Variants in DCLK1 observed in about 807,000 individuals in gnomAD.
DCLK1 encodes doublecortin like kinase 1, also known as serine/threonine-protein kinase DCLK1.
In DCLK1, 16 loss-of-function variants were observed where a neutral mutation model predicts 86.2. The ratio of observed to expected loss-of-function variants is 0.19; its 90% CI spans 0.13 to 0.28. DCLK1 has a LOEUF of 0.28. Ranked by LOEUF, DCLK1 falls within the 10% of genes least tolerant of loss-of-function variation. DCLK1 has a pLI of 1.00. For missense variants in DCLK1, 590 were observed against 940.2 expected (o/e 0.63, Z 4.87); for synonymous variants, 369 against 370.5 (o/e 1.00, Z 0.05).
At position 35,930,058 on chromosome 13, in the gene DCLK1, T is replaced by G. The variant is rs377590961; in HGVS notation, c.823+17300A>C. The stretch of plus-strand genomic sequence containing the variant: ...ACATGTATCAAATTATTACCCAATT[T>G]TGAAGCTAGATTTTAAAATCACCTT... On this transcript the variant is annotated intron_variant, in intron 4 of 16. Transcript: ENST00000360631. Among the ~76,000 whole-genome samples the G allele has an allele frequency of 4.3e-4, 65 of 152,310 alleles. 1 individual carries two copies. In the South Asian group the frequency reaches 0.013, roughly 31 times the overall value.
chr13:35,835,366 G>A (rs1283952987), intron 8 of DCLK1, among the ~76,000 whole-genome samples: 1 of 151,962 alleles, frequency 6.6e-6, no homozygotes, highest in Admixed American at 6.6e-5. Context: ...CTCCCCTAAA[G>A]CAAGCAGCTG....
rs11294824 is a variant in DCLK1 at position 35,976,525 on chromosome 13, G to GTTTTTTTTTTTTTTTTTTTTTTTTTTTTT, written c.724-29069_724-29068insAAAAAAAAAAAAAAAAAAAAAAAAAAAAA. 9.2e-4 allele frequency among the ~76,000 whole-genome samples: 52 copies of GTTTTTTTTTTTTTTTTTTTTTTTTTTTTT among 56,372 alleles called. 8 individuals are homozygous for GTTTTTTTTTTTTTTTTTTTTTTTTTTTTT. Among genetic ancestry groups the GTTTTTTTTTTTTTTTTTTTTTTTTTTTTT allele is most frequent in the South Asian group, 2.5e-3 (3 of 1,184 alleles). The allele number at this position is 56,372 out of a possible 152,430, so 37.0% of individuals were successfully genotyped here. A position where few individuals can be genotyped will look rare whatever the true frequency, so the allele number is the denominator to read the frequency against. On this transcript the variant is annotated intron_variant, in intron 3 of 16. Coordinates refer to ENST00000360631, the MANE Select transcript of DCLK1 (RefSeq NM_001330071.2). ...CTCCCAGCACTTCAGCTTCTCCGAG[G>GTTTTTTTTTTTTTTTTTTTTTTTTTTTTT]TTTTTTTTTTTTTTTTTTTTTTTGA...
chr13:36,067,873 C>A (rs1883820800), intron 3 of DCLK1, among the ~76,000 whole-genome samples: 1 of 152,100 alleles, frequency 6.6e-6, no homozygotes, highest in South Asian at 2.1e-4. Context: ...GTCTGCTGCC[C>A]CCCACAGAAC....
chr13:35,928,168 G>T (rs1021913788), intron 4 of DCLK1, among the ~76,000 whole-genome samples: 1 of 152,228 alleles, frequency 6.6e-6, no homozygotes, highest in Non-Finnish European at 1.5e-5. Flanking sequence ...TTGGTCAGAA[G>T]TGTGGGTGGC....
In DCLK1 at chr13:36,044,362, G is replaced by A. The variant is rs144917461; in HGVS notation, c.723+67507C>T. 5.9e-3 allele frequency among the ~76,000 whole-genome samples: 897 copies of A among 152,290 alleles called. 10 individuals carry two copies. Among genetic ancestry groups the A allele is most frequent in the African/African-American group, 0.021 (865 of 41,562 alleles). On this transcript the variant is annotated intron_variant, in intron 3 of 16. Coordinates refer to ENST00000360631, the MANE Select transcript of DCLK1 (RefSeq NM_001330071.2). ...AACACACTCATGAAAATGGTAAAGGGAAGTCCAGTTTTTATTTTTTCTTAA... is the reference window on the plus strand; with the variant it reads ...AACACACTCATGAAAATGGTAAAGGAAAGTCCAGTTTTTATTTTTTCTTAA...
At chr13:35,815,910 G>A (rs1262648498) in intron 11 of DCLK1, among the ~76,000 whole-genome samples, 4 of 152,114 alleles carry the variant, frequency 2.6e-5, no homozygotes, top group South Asian at 2.1e-4. Flanking sequence ...TTAGAAAGGA[G>A]TAAGTCAGAA....
intron 4 of DCLK1, among the ~76,000 whole-genome samples, chr13:35,936,450 AG>A (rs1455081006): frequency 2.0e-5 from 3 of 152,236 alleles, no homozygotes; most frequent in Non-Finnish European, 4.4e-5. Flanking sequence ...ACTCACTTTG[AG>A]GACATAAAAG....
At chr13:36,124,050 G>A (rs1268508129) in intron 2 of DCLK1, among the ~76,000 whole-genome samples, 1 of 152,198 alleles carries the variant, frequency 6.6e-6, no homozygotes, top group African/African-American at 2.4e-5. Flanking sequence ...CTACACAAGT[G>A]ACTCTGGAAC....
chr13:35,956,656 T>A (rs1317591283), intron 3 of DCLK1, among the ~76,000 whole-genome samples: 1 of 152,306 alleles, frequency 6.6e-6, no homozygotes, highest in Admixed American at 6.5e-5. Flanking sequence ...GCAGGAGTCA[T>A]AAACACAGGA....
intron 3 of DCLK1, among the ~76,000 whole-genome samples, chr13:35,974,549 G>A (rs1271624099): frequency 6.6e-6 from 1 of 152,170 alleles, no homozygotes; most frequent in Admixed American, 6.5e-5. Context: ...TGCTGTTCTC[G>A]TGATAGTGAG....
chr13:35,917,879 C>T (rs147822391), intron 4 of DCLK1, among the ~76,000 whole-genome samples: 4 of 152,222 alleles, frequency 2.6e-5, no homozygotes, highest in African/African-American at 9.6e-5. Context: ...GCACAATTGG[C>T]CTGACACACA....
intron 8 of DCLK1, among the ~76,000 whole-genome samples, chr13:35,828,570 C>T (rs949761152): frequency 6.6e-6 from 1 of 152,212 alleles, no homozygotes; most frequent in Non-Finnish European, 1.5e-5. Flanking sequence ...AACACTAGCA[C>T]TGGCACTTTG....
chr13:35,887,454 G>C (rs554116277), intron 4 of DCLK1, among the ~76,000 whole-genome samples: 1 of 152,122 alleles, frequency 6.6e-6, no homozygotes, highest in Non-Finnish European at 1.5e-5. Flanking sequence ...TTCTGGCTGC[G>C]TGATCTGGTT....
At chr13:35,884,576 A>C (rs538174585) in intron 4 of DCLK1, among the ~76,000 whole-genome samples, 4 of 152,320 alleles carry the variant, frequency 2.6e-5, no homozygotes, top group Admixed American at 6.5e-5. Flanking sequence ...AACAATGTGA[A>C]CTGAAATAAA....
intron 3 of DCLK1, among the ~76,000 whole-genome samples, chr13:36,027,827 T>C (rs1028883337): frequency 7.2e-5 from 11 of 152,102 alleles, no homozygotes; most frequent in African/African-American, 2.2e-4. Context: ...CCGCCTCCCA[T>C]GCTCAAGTGA....
At chr13:35,854,397 T>C (rs984852438) in intron 6 of DCLK1, 102 bp downstream of exon 6, 2 of 869,210 alleles carry the variant, frequency 2.3e-6, no homozygotes, top group Non-Finnish European at 3.3e-6. Flanking sequence ...TGTTCTAGCT[T>C]AGATATCGCC....
chr13:35,790,939 C>T lies in DCLK1; in HGVS notation c.2058+2427G>A, dbSNP rs1016698240. ...GCAATATAATTGGATGTATCCAGTG[C>T]TATTCTGAAAGTATCACAATGAAGG... is the stretch of plus-strand genomic sequence containing the variant. On this transcript the variant is annotated intron_variant, in intron 16 of 16. Coordinates refer to ENST00000360631, the MANE Select transcript of DCLK1 (RefSeq NM_001330071.2). 1.3e-4 allele frequency among the ~76,000 whole-genome samples: 20 copies of T among 152,136 alleles called. 1 individual carries two copies. Among genetic ancestry groups the T allele is most frequent in the Non-Finnish European group, 2.8e-4 (19 of 68,034 alleles).
Position 35,811,930 on chromosome 13 carries a change from C to T in DCLK1, c.1555-962G>A, listed in dbSNP as rs779023116. Among the ~76,000 whole-genome samples, 87 of 152,110 alleles carry T rather than the reference C, an allele frequency of 5.7e-4. 2 individuals carry two copies. Among genetic ancestry groups the T allele is most frequent in the Admixed American group, 3.9e-4 (6 of 15,258 alleles). On this transcript the variant is annotated intron_variant, in intron 11 of 16. Coordinates refer to ENST00000360631, the MANE Select transcript of DCLK1 (RefSeq NM_001330071.2). ...GTAAAATACTTTATTTTCAGTGCCT[C>T]GTATTTTCAACATGATCTATTTACA...
intron 5 of DCLK1, chr13:35,855,976 G>T: frequency 2.0e-6 from 1 of 505,076 alleles, no homozygotes; most frequent in Non-Finnish European, 2.6e-6. Context: ...CAGTGGCAAG[G>T]TAGGATGTTT....
Sources: gnomAD v4.1 joint callset for allele counts (sites outside exome capture counted in the v4.1 genomes callset) on GRCh38, gnomAD v4.1.1 for gene constraint, MANE v1.5 for transcripts, NCBI Gene and HGNC (gene_info 2026-07-23, HGNC 2026-07-21) for gene names.